The following PI4K2B variants were observed in gnomAD, a reference collection of about 807,000 sequenced individuals.
The protein encoded by PI4K2B is phosphatidylinositol 4-kinase type 2 beta.
PI4K2B carries 46 observed loss-of-function variants against 56.6 expected under a neutral mutation model. The observed-to-expected ratio is 0.81, with a 90% CI of 0.64 to 1.04. The LOEUF is 1.04. Ranked by LOEUF, PI4K2B falls within the 50% of genes least tolerant of loss-of-function variation. PI4K2B has a pLI of 0.00. For synonymous variants in PI4K2B, 211 were observed against 223.8 expected, an observed-to-expected ratio of 0.94 and a Z score of 0.51; for missense variants, 556 against 607.7, an observed-to-expected ratio of 0.91 and a Z score of 0.89.
rs1294788241 is a variant in PI4K2B, at chr4:25,279,078, A to G, written c.*1891A>G. ...TGGTAGACTAAAGGTAATAAAAATC[A>G]TTGTCTTAAGATTATGTTCTTCTGT... is the stretch of plus-strand genomic sequence containing the variant. On this transcript the variant is annotated 3_prime_UTR_variant, in exon 10 of 10. Coordinates refer to ENST00000264864, the MANE Select transcript of PI4K2B (RefSeq NM_018323.4). 6.6e-6 allele frequency: 1 copy of G among 152,342 alleles called. No homozygotes were observed. The highest frequency in any genetic ancestry group is 2.4e-5 in the African/African-American group (1 of 41,344). 9.4% of individuals were successfully genotyped at this position (152,342 alleles called of 1,614,324 possible).
chr4:25,262,571 G>C (rs1716518828), intron 6 of PI4K2B, among the ~76,000 whole-genome samples: 1 of 151,952 alleles, frequency 6.6e-6, no homozygotes, highest in Non-Finnish European at 1.5e-5. Context: ...TTTACTTTTT[G>C]TTATTGTATC....
intron 1 of PI4K2B, among the ~76,000 whole-genome samples, chr4:25,240,938 T>G (rs1253346892): frequency 6.6e-6 from 1 of 152,202 alleles, no homozygotes; most frequent in South Asian, 2.1e-4. Flanking sequence ...TTTGACTTCC[T>G]GTCTCTTTCC....
chr4:25,247,238 C>T (rs1715826615), intron 1 of PI4K2B, among the ~76,000 whole-genome samples: 3 of 152,240 alleles, frequency 2.0e-5, no homozygotes, highest in Admixed American at 6.5e-5. Context: ...AAGGTTTTAG[C>T]AGAGTAGATG....
At chr4:25,270,212 G>A (rs1259766827) in intron 9 of PI4K2B, among the ~76,000 whole-genome samples, 4 of 152,080 alleles carry the variant, frequency 2.6e-5, no homozygotes, top group Non-Finnish European at 5.9e-5. Context: ...TTCGCGGAAT[G>A]TGGCTTTTGC....
At position 25,270,372 on chromosome 4, in the gene PI4K2B, C is replaced by T. The variant is rs918727298; in HGVS notation, c.1272+1169C>T. On this transcript the variant is annotated intron_variant, in intron 9 of 9. Transcript: ENST00000264864. Reference sequence around the variant, plus strand: ...TTTTCTTTTCTTTTTTTGAGACAGACTCTTGCCCTGTCGCCCAGGCTGGAG... The same window carrying T: ...TTTTCTTTTCTTTTTTTGAGACAGATTCTTGCCCTGTCGCCCAGGCTGGAG... Among the ~76,000 whole-genome samples, 6 of 151,442 alleles carry T rather than the reference C, an allele frequency of 4.0e-5. No homozygotes were observed. In the South Asian group the frequency reaches 1.0e-3, roughly 26 times the overall value.
chr4:25,258,787 C>T (rs1716350930), intron 4 of PI4K2B, among the ~76,000 whole-genome samples: 1 of 151,738 alleles, frequency 6.6e-6, no homozygotes, highest in Non-Finnish European at 1.5e-5. Flanking sequence ...TTAAATTTTC[C>T]CAAAATAGCT....
intron 7 of PI4K2B, among the ~76,000 whole-genome samples, chr4:25,264,516 A>G (rs1310761431): frequency 1.4e-5 from 2 of 147,820 alleles, no homozygotes; most frequent in South Asian, 4.3e-4. Flanking sequence ...GCAAAAAAAA[A>G]TTGGTAATGA....
chr4:25,252,096 G>T (rs1410417858), intron 1 of PI4K2B, among the ~76,000 whole-genome samples: 1 of 152,148 alleles, frequency 6.6e-6, no homozygotes, highest in Admixed American at 6.5e-5. Flanking sequence ...TAAAGTGCTG[G>T]GATTACAGGC....
intron 9 of PI4K2B, among the ~76,000 whole-genome samples, chr4:25,270,056 A>G (rs1379284818): frequency 6.6e-6 from 1 of 152,104 alleles, no homozygotes; most frequent in Non-Finnish European, 1.5e-5. Context: ...CTGTTTATTT[A>G]GCTCAGTGTT....
intron 9 of PI4K2B, among the ~76,000 whole-genome samples, chr4:25,270,334 GT>G (rs1560380201): frequency 6.6e-6 from 1 of 150,956 alleles, no homozygotes; most frequent in South Asian, 2.1e-4. Flanking sequence ...TGTTTTTTTG[GT>G]TTTTTTTCTT....
At chr4:25,251,097 G>A (rs970239328) in intron 1 of PI4K2B, among the ~76,000 whole-genome samples, 1 of 152,160 alleles carries the variant, frequency 6.6e-6, no homozygotes, top group African/African-American at 2.4e-5. Flanking sequence ...TACAGTTGTC[G>A]AGTTTAGGGC....
intron 2 of PI4K2B, chr4:25,254,316 C>G (rs1302065513): frequency 2.0e-5 from 11 of 563,568 alleles, no homozygotes; most frequent in Non-Finnish European, 1.8e-5. Flanking sequence ...GGAAAGTAAA[C>G]AGCAAACATG....
chr4:25,266,924 TTAAA>T (rs1285425013), intron 7 of PI4K2B, among the ~76,000 whole-genome samples: 1 of 151,996 alleles, frequency 6.6e-6, no homozygotes, highest in Non-Finnish European at 1.5e-5. Context: ...TTATGAATGC[TTAAA>T]TAAATAGAGA....
intron 3 of PI4K2B, among the ~76,000 whole-genome samples, chr4:25,255,594 C>G (rs1310275273): frequency 6.6e-6 from 1 of 152,170 alleles, no homozygotes; most frequent in Non-Finnish European, 1.5e-5. Flanking sequence ...CTTGTATTGT[C>G]CTTTCAGCCT....
At chr4:25,238,513 T>C (rs1439736413) in intron 1 of PI4K2B, among the ~76,000 whole-genome samples, 1 of 152,172 alleles carries the variant, frequency 6.6e-6, no homozygotes, top group Non-Finnish European at 1.5e-5. Flanking sequence ...GTTACAGTTC[T>C]TAAAGGCGGT....
intron 9 of PI4K2B, among the ~76,000 whole-genome samples, chr4:25,269,918 A>G (rs1716814778): frequency 6.6e-6 from 1 of 151,616 alleles, no homozygotes; most frequent in Non-Finnish European, 1.5e-5. Flanking sequence ...GGGTTTCACC[A>G]TGTTAGCCAG....
chr4:25,234,954 C>T (rs1715187397), intron 1 of PI4K2B, among the ~76,000 whole-genome samples: 1 of 152,128 alleles, frequency 6.6e-6, no homozygotes, highest in Non-Finnish European at 1.5e-5. Flanking sequence ...AGTTGAAAGT[C>T]TGTTCCTGCC....
In PI4K2B at chr4:25,234,423, C is replaced by T. The variant is rs1438431308; in HGVS notation, c.260C>T (p.Ala87Val). 7.4e-7 allele frequency: 1 copy of T among 1,348,502 alleles called. No individual in the cohort carries two copies. Among genetic ancestry groups the T allele is most frequent in the East Asian group, 3.1e-5 (1 of 32,098 alleles). The allele number at this position is 1,348,502 out of a possible 1,614,324, so 83.5% of individuals were successfully genotyped here. A position where few individuals can be genotyped will look rare whatever the true frequency, so the allele number is the denominator to read the frequency against. Reference sequence around the variant, plus strand: ...GCCGAGCTGGACCGGAGCCGCCCCGCGGTTTCAGGTGCGACCCGGCCCTGC... The same window carrying T: ...GCCGAGCTGGACCGGAGCCGCCCCGTGGTTTCAGGTGCGACCCGGCCCTGC... ...SSAELDRSRPAVSVTIGTSEM... is the reference protein window; with the variant it reads ...SSAELDRSRPVVSVTIGTSEM... The change falls in exon 1 of 10, where the codon GCG becomes GTG. Residue 87 changes from alanine (A) to valine (V), a missense_variant. Transcript: ENST00000264864.
intron 4 of PI4K2B, chr4:25,258,418 C>T (rs1716337382): frequency 6.6e-6 from 1 of 152,076 alleles, no homozygotes; most frequent in South Asian, 2.1e-4. Context: ...CCATGTTGGC[C>T]AGGCTGGTCT....
Sources: allele counts gnomAD v4.1 joint callset (sites outside exome capture counted in the v4.1 genomes callset), GRCh38; gene constraint gnomAD v4.1.1; transcripts MANE v1.5; gene names NCBI Gene and HGNC (gene_info 2026-07-23, HGNC 2026-07-21).